The following TUT4 variants were observed in gnomAD, a reference collection of about 807,000 sequenced individuals.
The protein encoded by TUT4 is terminal uridylyltransferase 4.
TUT4 carries 36 observed loss-of-function variants against 192.2 expected under a neutral mutation model. The ratio of observed to expected loss-of-function variants is 0.19; its 90% CI spans 0.14 to 0.25. TUT4 has a LOEUF of 0.25. Among genes scored for constraint, TUT4 ranks in the 10% least tolerant of loss-of-function variants. The probability of loss-of-function intolerance (pLI) is 1.00; values close to 1 mark genes in which losing one functional copy is unlikely to be tolerated. For synonymous variants in TUT4, 618 were observed against 666.0 expected, an observed-to-expected ratio of 0.93 and a Z score of 1.11; for missense variants, 1,493 against 1,957.2, an observed-to-expected ratio of 0.76 and a Z score of 4.47.
At chr1:52,501,089 A>C (rs775235688) in intron 4 of TUT4, among the ~76,000 whole-genome samples, 1 of 152,240 alleles carries the variant, frequency 6.6e-6, no homozygotes, top group Non-Finnish European at 1.5e-5. Flanking sequence ...TAGGCAACAA[A>C]AGTAAAAGCA....
intron 6 of TUT4, among the ~76,000 whole-genome samples, chr1:52,494,385 G>GT (rs899287381): frequency 2.0e-5 from 3 of 152,058 alleles, no homozygotes; most frequent in Non-Finnish European, 4.4e-5. Context: ...TGTTTAAAGT[G>GT]TTTTTTGCTA....
At chr1:52,457,654 T>C (rs1661359021) in intron 20 of TUT4, among the ~76,000 whole-genome samples, 3 of 152,204 alleles carry the variant, frequency 2.0e-5, no homozygotes, top group African/African-American at 4.8e-5. Context: ...TTCTAAAAAA[T>C]TTGAATTGGA....
At chr1:52,434,242 T>C (rs932916869) in intron 27 of TUT4, 2 of 152,262 alleles carry the variant, frequency 1.3e-5, no homozygotes, top group Admixed American at 1.3e-4. Context: ...AATACTTGAA[T>C]GTTTTTTCTA....
At chr1:52,443,707 G>C (rs575340877) in intron 24 of TUT4, among the ~76,000 whole-genome samples, 4 of 152,006 alleles carry the variant, frequency 2.6e-5, no homozygotes, top group African/African-American at 9.7e-5. Context: ...AGGCTGCAGT[G>C]AGCTATGATT....
At chr1:52,516,094 GT>G in intron 2 of TUT4, 40 bp from the exon 3 acceptor site, 1 of 1,513,776 alleles carries the variant, frequency 6.6e-7, no homozygotes, top group Non-Finnish European at 9.0e-7. Flanking sequence ...ATCAGAACTG[GT>G]AAATTTTTAA....
At chr1:52,448,823 T>C (rs1479080150) in intron 20 of TUT4, among the ~76,000 whole-genome samples, 1 of 152,184 alleles carries the variant, frequency 6.6e-6, no homozygotes, top group East Asian at 1.9e-4. Flanking sequence ...AGATAATTCA[T>C]ACTTCTGAGT....
At chr1:52,479,042 G>T (rs1667812384) in intron 11 of TUT4, among the ~76,000 whole-genome samples, 1 of 152,150 alleles carries the variant, frequency 6.6e-6, no homozygotes, top group Non-Finnish European at 1.5e-5. Flanking sequence ...TGTGGAAGCA[G>T]GAGAAGGTTA....
At chr1:52,509,077 C>T (rs1268343659) in intron 4 of TUT4, among the ~76,000 whole-genome samples, 4 of 152,276 alleles carry the variant, frequency 2.6e-5, no homozygotes, top group African/African-American at 9.6e-5. Flanking sequence ...CCCACTTACC[C>T]TTCTAGGCCA....
intron 24 of TUT4, among the ~76,000 whole-genome samples, chr1:52,442,966 C>A (rs1656124368): frequency 6.6e-6 from 1 of 152,098 alleles, no homozygotes; most frequent in African/African-American, 2.4e-5. Context: ...TCCAGTTTAC[C>A]GAGGACTCTA....
At position 52,552,698 on chromosome 1, in the gene TUT4, C is replaced by A. The variant is rs1019699379; in HGVS notation, c.-94+233G>T. Among the ~76,000 whole-genome samples, 4 of 152,168 alleles carry A rather than the reference C, an allele frequency of 2.6e-5. No individual in the cohort carries two copies. The South Asian group carries it at 8.3e-4, about 32-fold the overall frequency. On this transcript the variant is annotated intron_variant, in intron 1 of 29. Transcript: ENST00000257177. ...AAGCGCCCCAATGCCCTCCTCAGGCCGCCCAGGCCGCCGTCCCCACCTCCC... is the reference window on the plus strand; with the variant it reads ...AAGCGCCCCAATGCCCTCCTCAGGCAGCCCAGGCCGCCGTCCCCACCTCCC...
chr1:52,513,392 T>TAAAAAAA (rs1677792845), intron 3 of TUT4, among the ~76,000 whole-genome samples: 1 of 50,686 alleles, frequency 2.0e-5, no homozygotes, highest in African/African-American at 3.0e-4. Context: ...AGACCCTGTC[T>TAAAAAAA]CAAAAAAAAA....
chr1:52,468,263 C>G lies in TUT4; in HGVS notation c.2883G>C (p.Glu961Asp). 6.3e-7 allele frequency: 1 copy of G among 1,589,346 alleles called. No homozygotes were observed. The highest frequency in any genetic ancestry group is 2.3e-5 in the East Asian group (1 of 44,086). Residue 961 changes from glutamate to aspartate, a missense_variant, in exon 15 of 30, where the codon GAG (glutamate) becomes GAC (aspartate). Transcript: ENST00000257177. ...LDLVCKRCFD[E>D]LSPPCSEQHN... ...GTTGTTCAGAACAAGGTGGTGATAA[C>G]TCATCTGGGTTTATAAAAAGAAGAA...
At chr1:52,510,789 G>A (rs1039843255) in intron 3 of TUT4, among the ~76,000 whole-genome samples, 3 of 152,124 alleles carry the variant, frequency 2.0e-5, no homozygotes, top group African/African-American at 7.2e-5. Context: ...GAAAACAAAA[G>A]CCCATAGAAC....
At chr1:52,535,035 A>G (rs1051924110) in intron 1 of TUT4, 11 of 152,136 alleles carry the variant, frequency 7.2e-5, no homozygotes, top group African/African-American at 2.6e-4. Flanking sequence ...TTGCTTTGGT[A>G]TTCTGAAATT....
rs1382058835 is a variant in TUT4 at position 52,497,111 on chromosome 1, C to A, written c.1072G>T (p.Ala358Ser). The change falls in exon 5 of 30, where the codon GCA becomes TCA. Residue 358 changes from alanine (A) to serine (S), a missense_variant. Around this residue, in one of 7 missense-constraint regions of TUT4, gnomAD observed 437 missense variants for 577.6 expected, o/e 0.76. Transcript: ENST00000257177. ...SPAHLAALSV[A>S]VIELAKEHGI... ...TGTTCTTTTGCTAATTCAATGACTG[C>A]AACACTTAAAGCAGCCAAGTGGGCA... 3 of 1,613,802 alleles carry A rather than the reference C, an allele frequency of 1.9e-6. No homozygotes were observed. The highest frequency in any genetic ancestry group is 1.3e-5 in the African/African-American group (1 of 74,904).
At chr1:52,498,048 CTT>C (rs1570969763) in intron 4 of TUT4, among the ~76,000 whole-genome samples, 1 of 152,252 alleles carries the variant, frequency 6.6e-6, no homozygotes, top group East Asian at 1.9e-4. Flanking sequence ...TACTTAAAGA[CTT>C]TGGTCCATTT....
intron 1 of TUT4, among the ~76,000 whole-genome samples, chr1:52,536,206 T>A (rs1417404541): frequency 6.6e-6 from 1 of 152,174 alleles, no homozygotes; most frequent in African/African-American, 2.4e-5. Context: ...GCACAAACTA[T>A]ATAAAGATGT....
At position 52,477,780 on chromosome 1, in the gene TUT4, T is replaced by C. The variant is rs920297425; in HGVS notation, c.1951A>G (p.Ile651Val). Residue 651 changes from isoleucine (I) to valine (V), a missense_variant, in exon 12 of 30, where the codon ATA becomes GTA. Coordinates refer to ENST00000257177, the MANE Select transcript of TUT4 (RefSeq NM_001009881.3). ...AAAATATCTTGTATCCGTACACATATGACATATTCCTCCAAAGCAAAATCC... is the reference window on the plus strand; with the variant it reads ...AAAATATCTTGTATCCGTACACATACGACATATTCCTCCAAAGCAAAATCC... The part of the protein sequence containing the change: ...TLDFALEEYV[I>V]CVRIQDILTR... 1.2e-6 allele frequency: 2 copies of C among 1,614,072 alleles called. No homozygotes were observed. The highest frequency in any genetic ancestry group is 1.3e-5 in the African/African-American group (1 of 75,036).
intron 25 of TUT4, 126 bp from the exon 26 acceptor site, chr1:52,437,104 GGGAA>G: frequency 7.4e-7 from 1 of 1,352,752 alleles, no homozygotes; most frequent in South Asian, 1.6e-5. Flanking sequence ...TTGAAGGCAA[GGGAA>G]CAAACATTTA....
Sources: allele counts gnomAD v4.1 joint callset (sites outside exome capture counted in the v4.1 genomes callset), GRCh38; gene constraint gnomAD v4.1.1; regional missense constraint gnomAD v4.1.1; transcripts MANE v1.5; gene names NCBI Gene and HGNC (gene_info 2026-07-23, HGNC 2026-07-21).